The following DNAH12 variants were observed in gnomAD, a reference collection of about 807,000 sequenced individuals.
The protein encoded by DNAH12 is dynein axonemal heavy chain 12.
Under a neutral mutation model 371.5 loss-of-function variants are expected in DNAH12, and 285 were observed. The ratio of observed to expected loss-of-function variants is 0.77; its 90% confidence interval spans 0.70 to 0.85. The LOEUF is 0.85. Among genes scored for constraint, DNAH12 ranks in the 40% least tolerant of loss-of-function variants. The pLI is 0.00. For synonymous variants in DNAH12, 1,200 were observed against 1,213.0 expected, an observed-to-expected ratio of 0.99 and a Z score of 0.22; for missense variants, 3,611 against 3,689.4, an observed-to-expected ratio of 0.98 and a Z score of 0.55.
intron 12 of DNAH12, among the ~76,000 whole-genome samples, chr3:57,487,512 CCTTTGGGCAGAGATA>C (rs2066974607): frequency 6.6e-6 from 1 of 151,980 alleles, no homozygotes; most frequent in South Asian, 2.1e-4. Flanking sequence ...GAATCTGAGT[CCTTTGGGCAGAGATA>C]CTTCAGCAAA....
At chr3:57,307,151 A>G (rs2061489257) in intron 69 of DNAH12, among the ~76,000 whole-genome samples, 2 of 152,132 alleles carry the variant, frequency 1.3e-5, no homozygotes, top group Admixed American at 6.5e-5. Context: ...CTCCCTGCCG[A>G]TCGTGTCCGA....
chr3:57,406,272 A>G (rs1575555995), intron 40 of DNAH12, among the ~76,000 whole-genome samples: 1 of 148,230 alleles, frequency 6.7e-6, no homozygotes, highest in Non-Finnish European at 1.5e-5. Context: ...AATGGCTTGA[A>G]CCCGGGAGGT....
Position 57,457,957 on chromosome 3 carries a change from T to A in DNAH12, c.3100A>T (p.Thr1034Ser). ...GGCTGAACTCTAAGTGGATCTTTGG[T>A]CTCTGATAAAATCTCTAACATTTCA... is the stretch of plus-strand genomic sequence containing the variant. The part of the protein sequence containing the change: ...NDEMLEILSE[T>S]KDPLRVQPHL... Residue 1034 changes from threonine to serine, a missense_variant, in exon 22 of 74, where the codon ACC becomes TCC. Thr to Ser is a moderately conservative substitution (Grantham distance 58). Around this residue, in one of 3 missense-constraint regions of DNAH12, gnomAD observed 1,314 missense variants for 1,398.7 expected, o/e 0.94. Transcript: ENST00000495027. The A allele has an allele frequency of 1.3e-6, 2 of 1,551,628 alleles. No homozygotes were observed. Among genetic ancestry groups the A allele is most frequent in the African/African-American group, 2.7e-5 (2 of 73,134 alleles).
Position 57,504,205 on chromosome 3 carries a change from C to T in DNAH12, c.898-1G>A. 1 of 1,604,148 alleles carries T rather than the reference C, an allele frequency of 6.2e-7. No individual in the cohort carries two copies. The highest frequency in any genetic ancestry group is 8.5e-7 in the Non-Finnish European group (1 of 1,173,940). On this transcript the variant is annotated splice_acceptor_variant, in intron 8 of 73. Coordinates refer to ENST00000495027, the MANE Select transcript of DNAH12 (RefSeq NM_001366028.2). LOFTEE classifies it high-confidence loss of function. ...CAGTTCTCCTTAATAGATCCTTTAGCTGCGTGATATAAATCACTGTTACTT... is the reference window on the plus strand; with the variant it reads ...CAGTTCTCCTTAATAGATCCTTTAGTTGCGTGATATAAATCACTGTTACTT...
At chr3:57,295,769 A>G (rs1355522468) in intron 72 of DNAH12, among the ~76,000 whole-genome samples, 177 bp from the exon 73 acceptor site, 38 of 152,232 alleles carry the variant, frequency 2.5e-4, no homozygotes, top group Admixed American at 2.4e-3. Flanking sequence ...ACAAAAGACA[A>G]TGATGGAAAG....
Position 57,507,728 on chromosome 3 carries a change from A to C in DNAH12, c.812T>G (p.Phe271Cys), listed in dbSNP as rs139088878. Residue 271 changes from phenylalanine (F) to cysteine (C), a missense_variant, in exon 8 of 74, where the codon TTT (phenylalanine) becomes TGT (cysteine). Around this residue, in one of 3 missense-constraint regions of DNAH12, gnomAD observed 1,314 missense variants for 1,398.7 expected, o/e 0.94. Transcript: ENST00000495027. ...NTWYPKVINL[F>C]TKKEALEGVK... ...ACCTTCTAGTGCCTCCTTCTTGGTA[A>C]AGAGATTTATAACCTTTGGATACCA... 24 of 1,611,642 alleles carry C rather than the reference A, an allele frequency of 1.5e-5. No individual in the cohort carries two copies. The highest frequency in any genetic ancestry group is 2.0e-5 in the Non-Finnish European group (24 of 1,179,672).
chr3:57,419,624 C>CT, intron 36 of DNAH12, 106 bp from the exon 37 acceptor site: 3 of 740,642 alleles, frequency 4.1e-6, no homozygotes, highest in Non-Finnish European at 5.7e-6. Flanking sequence ...AAACTTAAGT[C>CT]TTCCCCCTTT....
intron 61 of DNAH12, 28 bp downstream of exon 61, chr3:57,334,754 T>C: frequency 6.5e-7 from 1 of 1,532,398 alleles, no homozygotes; most frequent in South Asian, 1.3e-5. Flanking sequence ...TGCCATTCAA[T>C]GATAAATCAT....
chr3:57,445,073 GCTCAACCCT>G, intron 28 of DNAH12, 92 bp downstream of exon 28: 6 of 1,327,900 alleles, frequency 4.5e-6, no homozygotes, highest in Non-Finnish European at 6.0e-6. Flanking sequence ...AAAAGACAAA[GCTCAACCCT>G]CTCAAGTGCC....
At chr3:57,303,507 G>T (rs968074714) in intron 69 of DNAH12, among the ~76,000 whole-genome samples, 17 of 151,458 alleles carry the variant, frequency 1.1e-4, no homozygotes, top group African/African-American at 4.1e-4. Context: ...CATCTCCCAG[G>T]CTCAAGCGAT....
intron 58 of DNAH12, among the ~76,000 whole-genome samples, chr3:57,359,105 ATAACT>A (rs1263922065): frequency 5.9e-5 from 9 of 152,328 alleles, no homozygotes; most frequent in Non-Finnish European, 1.2e-4. Context: ...ACATTAAATA[ATAACT>A]TAATTAGTAT....
At chr3:57,313,392 C>G (rs2107684432) in intron 66 of DNAH12, among the ~76,000 whole-genome samples, 1 of 152,230 alleles carries the variant, frequency 6.6e-6, no homozygotes, top group Admixed American at 6.5e-5. Flanking sequence ...GTGGCTCACA[C>G]CTGTAATCTC....
At chr3:57,418,219 A>T (rs917817485) in intron 37 of DNAH12, among the ~76,000 whole-genome samples, 5 of 151,800 alleles carry the variant, frequency 3.3e-5, no homozygotes, top group African/African-American at 1.2e-4. Context: ...ATTTGTACTT[A>T]TTTAAAAGTA....
intron 34 of DNAH12, 47 bp from the exon 35 acceptor site, chr3:57,425,188 G>A (rs1459417204): frequency 1.5e-6 from 1 of 671,324 alleles, no homozygotes; most frequent in Non-Finnish European, 2.7e-6. Context: ...ATCTTATTTA[G>A]AAAATAAGAA....
At chr3:57,363,028 C>T (rs1299464307) in intron 58 of DNAH12, among the ~76,000 whole-genome samples, 1 of 152,124 alleles carries the variant, frequency 6.6e-6, no homozygotes, top group African/African-American at 2.4e-5. Context: ...TTTAATCCAT[C>T]TTGAATTAAT....
rs946193791 is a variant in DNAH12, at chr3:57,375,358, T to A, written c.8759+13A>T. 1.3e-5 allele frequency: 2 copies of A among 152,138 alleles called. No individual in the cohort carries two copies. The highest frequency in any genetic ancestry group is 6.6e-5 in the Admixed American group (1 of 15,254). The allele number at this position is 152,138 out of a possible 1,614,324, so 9.4% of individuals were successfully genotyped here. A position where few individuals can be genotyped will look rare whatever the true frequency, so the allele number is the denominator to read the frequency against. On this transcript the variant is annotated intron_variant, in intron 55 of 73. Coordinates refer to ENST00000495027, the MANE Select transcript of DNAH12 (RefSeq NM_001366028.2). ...CAGAACAACAGAAAAAACAAATAGT[T>A]TATATTTCTTACCAACGCCTACAGT...
At chr3:57,506,844 C>T (rs147699033) in intron 8 of DNAH12, among the ~76,000 whole-genome samples, 135 of 152,044 alleles carry the variant, frequency 8.9e-4, no homozygotes, top group African/African-American at 3.0e-3. Flanking sequence ...TTCTAAAGTA[C>T]GAATAATGGT....
chr3:57,509,841 G>A (rs1416517739), intron 5 of DNAH12, among the ~76,000 whole-genome samples: 4 of 122,588 alleles, frequency 3.3e-5, no homozygotes, highest in East Asian at 2.4e-4. Flanking sequence ...TATTCTGGGC[G>A]ACAGAGTGAG....
At chr3:57,516,989 CT>C (rs978150957) in intron 4 of DNAH12, among the ~76,000 whole-genome samples, 22 of 152,140 alleles carry the variant, frequency 1.4e-4, no homozygotes, top group African/African-American at 5.1e-4. Context: ...AGCTGGCCTT[CT>C]TTCAGTTCCT....
Sources: allele counts gnomAD v4.1 joint callset (sites outside exome capture counted in the v4.1 genomes callset), GRCh38; gene constraint gnomAD v4.1.1; regional missense constraint gnomAD v4.1.1; transcripts MANE v1.5; gene names NCBI Gene and HGNC (gene_info 2026-07-23, HGNC 2026-07-21).